INSR: variants seen among roughly 807,000 people sequenced by gnomAD.
INSR encodes insulin receptor.
INSR carries 67 observed loss-of-function variants against 142.6 expected under a neutral mutation model. The ratio of observed to expected loss-of-function variants is 0.47; its 90% CI spans 0.39 to 0.58. The LOEUF (loss-of-function observed/expected upper bound fraction) is 0.58. INSR is among the 20% of genes least tolerant of loss of function. The probability of loss-of-function intolerance (pLI) is 0.00; values close to 1 mark genes in which losing one functional copy is unlikely to be tolerated. For synonymous variants in INSR, 756 were observed against 743.1 expected (o/e 1.02, Z -0.28); for missense variants, 1,248 against 1,833.2 (o/e 0.68, Z 5.83).
intron 2 of INSR, among the ~76,000 whole-genome samples, chr19:7,194,373 T>G (rs1371342968): frequency 1.3e-5 from 2 of 151,686 alleles, no homozygotes; most frequent in Admixed American, 1.3e-4. Flanking sequence ...GCCAAGATCG[T>G]GCCACTGCAC....
chr19:7,270,335 TCTCTCACACACACACACACA>T (rs1012172056), intron 1 of INSR, among the ~76,000 whole-genome samples: 37 of 83,268 alleles, frequency 4.4e-4, no homozygotes, highest in Admixed American at 9.9e-4. Context: ...TCTCTCTCTC[TCTCTCACACACACACACACA>T]CACACACACA....
At chr19:7,186,689 C>A (rs371230181) in intron 2 of INSR, among the ~76,000 whole-genome samples, 1 of 152,010 alleles carries the variant, frequency 6.6e-6, no homozygotes, top group South Asian at 2.1e-4. Context: ...ATTTTACTTT[C>A]TTTTTCTTTT....
Position 7,150,711 on chromosome 19 carries a change from G to A in INSR, c.2232-179C>T, listed in dbSNP as rs1483384319. On this transcript the variant is annotated intron_variant, in intron 10 of 21. Transcript: ENST00000302850. The surrounding 1 kb of genome is among the most constrained non-coding windows in gnomAD (Gnocchi z 4.2). ...CTACATCTTCCCCAGCAGGTGCAGG[G>A]GTCCAGCAAGGGAAGGGGAAGAAAT... Among the ~76,000 whole-genome samples the A allele has an allele frequency of 1.3e-5, 2 of 152,150 alleles. No homozygotes were observed. Among genetic ancestry groups the A allele is most frequent in the African/African-American group, 2.4e-5 (1 of 41,440 alleles).
At chr19:7,227,173 G>C (rs1975813055) in intron 2 of INSR, among the ~76,000 whole-genome samples, 1 of 152,142 alleles carries the variant, frequency 6.6e-6, no homozygotes. Context: ...AATAGGTTTG[G>C]TGTGAAAAAT....
intron 13 of INSR, among the ~76,000 whole-genome samples, chr19:7,134,584 G>A (rs984373678): frequency 1.3e-5 from 2 of 151,990 alleles, no homozygotes; most frequent in South Asian, 2.1e-4. Flanking sequence ...TGCCAACATG[G>A]TGAAACCCCG....
chr19:7,286,781 C>T (rs1007282144), intron 1 of INSR, among the ~76,000 whole-genome samples: 2 of 151,948 alleles, frequency 1.3e-5, no homozygotes, highest in African/African-American at 4.8e-5. Flanking sequence ...TTACCCGTCA[C>T]TATTTAATTA....
chr19:7,150,500 G>A lies in INSR; in HGVS notation c.2264C>T (p.Pro755Leu), dbSNP rs1415044152. The A allele has an allele frequency of 6.2e-7, 1 of 1,614,046 alleles. No individual in the cohort carries two copies. The highest frequency in any genetic ancestry group is 1.3e-5 in the African/African-American group (1 of 74,956). The change falls in exon 11 of 22, where the codon CCT (proline) becomes CTT (leucine). Residue 755 changes from proline (P) to leucine (L), a missense_variant. Transcript: ENST00000302850. The surrounding 1 kb of genome is among the most constrained non-coding windows in gnomAD (Gnocchi z 4.2). ...KTSSGTGAED[P>L]RPSRKRRSLG... ...GGGTCGCACAGGTGAGTCATACCTA[G>A]GGTCCTCGGCACCAGTGCCTGAAGA...
At chr19:7,187,905 C>T (rs549960108) in intron 2 of INSR, among the ~76,000 whole-genome samples, 5 of 152,234 alleles carry the variant, frequency 3.3e-5, no homozygotes, top group South Asian at 2.1e-4. Context: ...AGATGACTAC[C>T]GTCTCCCAGA....
intron 1 of INSR, among the ~76,000 whole-genome samples, chr19:7,273,737 C>T (rs773517298): frequency 2.0e-5 from 3 of 151,804 alleles, no homozygotes; most frequent in African/African-American, 7.3e-5. Context: ...AGGCTGGTCT[C>T]GAACTCTGAC....
At chr19:7,221,505 C>T (rs80217470) in intron 2 of INSR, among the ~76,000 whole-genome samples, 2 of 151,634 alleles carry the variant, frequency 1.3e-5, no homozygotes, top group Admixed American at 6.6e-5. Context: ...GTCAGGAGTT[C>T]GAGACCAGCC....
Position 7,218,478 on chromosome 19 carries a change from C to A in INSR, c.653-33841G>T, listed in dbSNP as rs150127497. On this transcript the variant is annotated intron_variant, in intron 2 of 21. Coordinates refer to ENST00000302850, the MANE Select transcript of INSR (RefSeq NM_000208.4). ...GAGATTCTGCACACTGAACTTCTTGCCTCTTGTTTTTTGTTTTGTTGGTTT... is the reference window on the plus strand; with the variant it reads ...GAGATTCTGCACACTGAACTTCTTGACTCTTGTTTTTTGTTTTGTTGGTTT... 2.0e-5 allele frequency among the ~76,000 whole-genome samples: 3 copies of A among 152,076 alleles called. No homozygotes were observed. In the East Asian group the frequency reaches 5.8e-4, roughly 29 times the overall value.
intron 1 of INSR, among the ~76,000 whole-genome samples, chr19:7,283,863 C>A (rs1048087808): frequency 6.6e-6 from 1 of 152,100 alleles, no homozygotes; most frequent in Non-Finnish European, 1.5e-5. Flanking sequence ...TAAGTACCTG[C>A]GAACTTCTGG....
At chr19:7,237,538 G>A (rs1399503573) in intron 2 of INSR, among the ~76,000 whole-genome samples, 2 of 146,552 alleles carry the variant, frequency 1.4e-5, no homozygotes, top group African/African-American at 2.5e-5. Flanking sequence ...TAAATAGGCT[G>A]GGCGTGGTGG....
intron 1 of INSR, among the ~76,000 whole-genome samples, chr19:7,286,587 T>G (rs974319561): frequency 1.3e-5 from 2 of 151,604 alleles, no homozygotes; most frequent in African/African-American, 4.8e-5. Flanking sequence ...AATGTCTCAT[T>G]ATGTTGCCCA....
intron 1 of INSR, among the ~76,000 whole-genome samples, chr19:7,292,092 C>CT (rs74826915): frequency 0.65 from 98,162 of 149,998 alleles, 32,440 homozygotes; most frequent in East Asian, 0.81. Context: ...CACGCCCCGC[C>CT]TTTTTTTTTA....
chr19:7,257,844 ACAGAGTCT>A (rs1161115850), intron 2 of INSR, among the ~76,000 whole-genome samples: 2 of 152,150 alleles, frequency 1.3e-5, no homozygotes, highest in East Asian at 1.9e-4. Context: ...TCATATATAG[ACAGAGTCT>A]CACCCTGTCA....
intron 19 of INSR, 132 bp from the exon 20 acceptor site, chr19:7,120,881 T>C: frequency 1.8e-6 from 2 of 1,092,422 alleles, no homozygotes; most frequent in Non-Finnish European, 2.8e-6. Flanking sequence ...ACCTGGGTGG[T>C]GGCCAAATCC....
At chr19:7,248,872 G>A (rs1225521308) in intron 2 of INSR, among the ~76,000 whole-genome samples, 2 of 149,198 alleles carry the variant, frequency 1.3e-5, no homozygotes, top group Non-Finnish European at 3.0e-5. Flanking sequence ...ATGGTCTCCT[G>A]CCTCAGCCTC....
At chr19:7,290,390 A>G (rs1020835909) in intron 1 of INSR, among the ~76,000 whole-genome samples, 2 of 152,082 alleles carry the variant, frequency 1.3e-5, no homozygotes, top group Admixed American at 6.6e-5. Flanking sequence ...TAAGCAACAG[A>G]GCAAGACCTC....
Sources: allele counts gnomAD v4.1 joint callset (sites outside exome capture counted in the v4.1 genomes callset), GRCh38; gene constraint gnomAD v4.1.1; non-coding constraint Gnocchi (gnomAD v3.1); transcripts MANE v1.5; gene names NCBI Gene and HGNC (gene_info 2026-07-23, HGNC 2026-07-21).